FYTTD1: variants seen among roughly 807,000 people sequenced by gnomAD.
FYTTD1 encodes the protein forty-two-three domain containing 1.
A neutral mutation model predicts 40.9 loss-of-function variants in FYTTD1; 22 were observed. The ratio of observed to expected loss-of-function variants is 0.54; its 90% CI spans 0.38 to 0.77. FYTTD1 has a LOEUF of 0.77. FYTTD1 is among the 30% of genes least tolerant of loss of function. The pLI is 0.00. For missense variants in FYTTD1, 351 were observed against 392.2 expected (o/e 0.90, Z 0.89); for synonymous variants, 140 against 137.9 (o/e 1.01, Z -0.10).
chr3:197,771,344 A>G (rs1056370197), intron 4 of FYTTD1, among the ~76,000 whole-genome samples: 1 of 152,198 alleles, frequency 6.6e-6, no homozygotes, highest in Non-Finnish European at 1.5e-5. Flanking sequence ...TCAGCAAAAA[A>G]AACCTGGAAT....
At chr3:197,779,934 C>G (rs1176707027) in intron 8 of FYTTD1, among the ~76,000 whole-genome samples, 1 of 149,096 alleles carries the variant, frequency 6.7e-6, no homozygotes, top group Non-Finnish European at 1.5e-5. Flanking sequence ...CAGGCACACA[C>G]ACCACACCTG....
chr3:197,777,244 G>A (rs558558436), intron 7 of FYTTD1, among the ~76,000 whole-genome samples: 1 of 152,158 alleles, frequency 6.6e-6, no homozygotes, highest in Non-Finnish European at 1.5e-5. Context: ...TAAAAATTAT[G>A]TGCATGTATA....
chr3:197,775,118 A>G (rs1445168521), intron 6 of FYTTD1, among the ~76,000 whole-genome samples: 1 of 152,230 alleles, frequency 6.6e-6, no homozygotes, highest in Non-Finnish European at 1.5e-5. Context: ...TTTCATACAA[A>G]TGAACCTATT....
intron 2 of FYTTD1, among the ~76,000 whole-genome samples, chr3:197,757,919 T>C (rs913791348): frequency 2.7e-4 from 41 of 152,278 alleles, no homozygotes; most frequent in African/African-American, 9.9e-4. Context: ...AAATTTTTTT[T>C]TGAGACGGAG....
At chr3:197,758,087 G>T (rs1729260505) in intron 2 of FYTTD1, among the ~76,000 whole-genome samples, 2 of 152,162 alleles carry the variant, frequency 1.3e-5, no homozygotes, top group African/African-American at 2.4e-5. Flanking sequence ...ATTTTTAGGA[G>T]AGACAGGGTT....
chr3:197,776,668 A>G (rs1417896163), intron 6 of FYTTD1, among the ~76,000 whole-genome samples: 1 of 152,040 alleles, frequency 6.6e-6, no homozygotes, highest in Non-Finnish European at 1.5e-5. Flanking sequence ...GTTGCTTTTT[A>G]TTAGAAGTTC....
chr3:197,768,603 A>G lies in FYTTD1; in HGVS notation c.384+16A>G. On this transcript the variant is annotated intron_variant, in intron 3 of 8. Transcript: ENST00000241502. ...AAGTGACAAGGTAGGATGATGGCTT[A>G]ATCCTGGATTAGATATCCTTTTCCT... is the stretch of plus-strand genomic sequence containing the variant. 6.3e-7 allele frequency: 1 copy of G among 1,598,166 alleles called. No individual in the cohort carries two copies. Among genetic ancestry groups the G allele is most frequent in the African/African-American group, 1.3e-5 (1 of 74,712 alleles).
In FYTTD1 at chr3:197,781,805, C is replaced by G; in HGVS notation, c.859-6C>G. On this transcript the variant is annotated splice_polypyrimidine_tract_variant and splice_region_variant and intron_variant, in intron 8 of 8. Coordinates refer to ENST00000241502, the MANE Select transcript of FYTTD1 (RefSeq NM_032288.7). The stretch of plus-strand genomic sequence containing the variant: ...GTTGTTGTTTTTGTTTTTTTCTTTT[C>G]TCTAGACAGGGATGACGTTGAATGA... 1 of 1,582,998 alleles carries G rather than the reference C, an allele frequency of 6.3e-7. No individual in the cohort carries two copies. The highest frequency in any genetic ancestry group is 8.6e-7 in the Non-Finnish European group (1 of 1,162,078).
chr3:197,775,855 T>TA (rs372263235), intron 6 of FYTTD1, among the ~76,000 whole-genome samples: 119 of 152,354 alleles, frequency 7.8e-4, no homozygotes, highest in Middle Eastern at 6.8e-3. Context: ...ATATAAATGT[T>TA]ATTTGTTTTG....
At chr3:197,772,467 A>C (rs901428811) in intron 4 of FYTTD1, among the ~76,000 whole-genome samples, 1 of 152,220 alleles carries the variant, frequency 6.6e-6, no homozygotes, top group Non-Finnish European at 1.5e-5. Flanking sequence ...GCAAACCACC[A>C]TGGCACATGT....
intron 6 of FYTTD1, among the ~76,000 whole-genome samples, chr3:197,775,837 T>A (rs1225969846): frequency 2.0e-5 from 3 of 152,230 alleles, no homozygotes; most frequent in Non-Finnish European, 4.4e-5. Context: ...ATTTACATAA[T>A]TGTGATCATA....
chr3:197,763,947 C>T (rs778636650), intron 2 of FYTTD1, among the ~76,000 whole-genome samples: 2 of 152,172 alleles, frequency 1.3e-5, no homozygotes, highest in East Asian at 1.9e-4. Flanking sequence ...GTGAACTAGA[C>T]GCTCTGGCGG....
chr3:197,767,024 T>C lies in FYTTD1; in HGVS notation c.236-1415T>C, dbSNP rs116529476. On this transcript the variant is annotated intron_variant, in intron 2 of 8. Coordinates refer to ENST00000241502, the MANE Select transcript of FYTTD1 (RefSeq NM_032288.7). ...GATGTTTATTTTCTTATTTGTACTT[T>C]ATGTGTTTCTAGGAATTCTGCAGTG... is the stretch of plus-strand genomic sequence containing the variant. Among the ~76,000 whole-genome samples the C allele has an allele frequency of 2.7e-3, 405 of 152,266 alleles. 1 individual carries two copies. Among genetic ancestry groups the C allele is most frequent in the African/African-American group, 9.3e-3 (386 of 41,554 alleles).
intron 1 of FYTTD1, 140 bp downstream of exon 1, chr3:197,750,214 C>G (rs1023207391): frequency 2.4e-6 from 2 of 840,782 alleles, no homozygotes; most frequent in East Asian, 6.8e-5. Flanking sequence ...GAGCGGAGGC[C>G]CGGAGGACAG....
At chr3:197,750,971 G>C (rs1729014837) in intron 1 of FYTTD1, 7 of 465,654 alleles carry the variant, frequency 1.5e-5, no homozygotes, top group African/African-American at 4.2e-5. Flanking sequence ...TGGGCTAAAA[G>C]TACGAATATT....
At chr3:197,763,407 C>CT (rs1729448344) in intron 2 of FYTTD1, 1 of 329,820 alleles carries the variant, frequency 3.0e-6, no homozygotes, top group Non-Finnish European at 5.8e-6. Context: ...GAGTGAGACT[C>CT]TTGTCTCAAA....
chr3:197,755,512 C>G (rs1729185677), intron 1 of FYTTD1, among the ~76,000 whole-genome samples: 1 of 151,014 alleles, frequency 6.6e-6, no homozygotes, highest in Non-Finnish European at 1.5e-5. Flanking sequence ...GTGGTGCGAT[C>G]TTGGCTCACT....
intron 2 of FYTTD1, among the ~76,000 whole-genome samples, chr3:197,767,824 A>G (rs1729597117): frequency 6.6e-6 from 1 of 152,232 alleles, no homozygotes; most frequent in South Asian, 2.1e-4. Context: ...GCCACAGATT[A>G]AAATGTGTCT....
rs368277178 is a variant in FYTTD1, at chr3:197,780,539, G to A, written c.859-1272G>A. On this transcript the variant is annotated intron_variant, in intron 8 of 8. Coordinates refer to ENST00000241502, the MANE Select transcript of FYTTD1 (RefSeq NM_032288.7). ...TATGTCACCATTTAGTATGATATTA[G>A]GCATAGATTTTTTTTTTTTTTGAGA... is the stretch of plus-strand genomic sequence containing the variant. Among the ~76,000 whole-genome samples the A allele has an allele frequency of 6.6e-5, 10 of 152,028 alleles. No homozygotes were observed. The East Asian group carries it at 7.7e-4, about 12-fold the overall frequency.
Sources: allele counts gnomAD v4.1 joint callset (sites outside exome capture counted in the v4.1 genomes callset), GRCh38; gene constraint gnomAD v4.1.1; transcripts MANE v1.5; gene names NCBI Gene and HGNC (gene_info 2026-07-23, HGNC 2026-07-21).